PRDM1: variants seen among roughly 807,000 people sequenced by gnomAD.
PRDM1 encodes the protein PR domain zinc finger protein 1.
PRDM1 carries 13 observed loss-of-function variants against 62.8 expected under a neutral mutation model. That is an observed-to-expected ratio of 0.21 (90% CI 0.13 to 0.33). The LOEUF (loss-of-function observed/expected upper bound fraction) is 0.33. Ranked by LOEUF, PRDM1 falls within the 10% of genes least tolerant of loss-of-function variation. PRDM1 has a pLI of 1.00. For synonymous variants in PRDM1, 396 were observed against 417.6 expected, an observed-to-expected ratio of 0.95 and a Z score of 0.63; for missense variants, 895 against 1,058.8, an observed-to-expected ratio of 0.85 and a Z score of 2.15.
In PRDM1 at chr6:105,998,890, CATATATATATATATATATAT is replaced by C. The variant is rs202209129; in HGVS notation, c.-67+5276_-67+5295del. 1.1e-3 allele frequency among the ~76,000 whole-genome samples: 114 copies of C among 100,190 alleles called. 2 individuals carry two copies. The East Asian group carries it at 0.012, about 11-fold the overall frequency. 65.7% of individuals were successfully genotyped at this position (100,190 alleles called of 152,430 possible). A position where few individuals can be genotyped will look rare whatever the true frequency, so the allele number is the denominator to read the frequency against. ...GCATTGGGATTTTTAAAAGTTAATACATATATATATATATATATATATATATATATATATATATATATATT... is the reference window on the plus strand; with the variant it reads ...GCATTGGGATTTTTAAAAGTTAATACATATATATATATATATATATATATT... On this transcript the variant is annotated intron_variant, in intron 1 of 6. Coordinates refer to the PRDM1 transcript ENST00000652320.
chr6:106,106,041 C>G lies in PRDM1; in HGVS notation c.1773+108C>G. On this transcript the variant is annotated intron_variant, in intron 5 of 6. Transcript: ENST00000369096. This position sits in a 1 kb window ranked among gnomAD's most constrained non-coding sequence, Gnocchi z 4.4. ...TTGCATTTGCAGTAGTATGAGCCCC[C>G]GGTTGGGGATAGTGGGTATGGATTC... 1 of 1,457,010 alleles carries G rather than the reference C, an allele frequency of 6.9e-7. No individual in the cohort carries two copies. The highest frequency in any genetic ancestry group is 9.1e-7 in the Non-Finnish European group (1 of 1,094,882). 90.3% of individuals were successfully genotyped at this position (1,457,010 alleles called of 1,614,324 possible).
chr6:106,042,296 A>G (rs1465959014), intron 1 of PRDM1, among the ~76,000 whole-genome samples: 8 of 150,786 alleles, frequency 5.3e-5, no homozygotes, highest in Non-Finnish European at 7.4e-5. Context: ...CGAGGCGGGC[A>G]GATCACCTGA....
At chr6:106,086,621 T>TA (rs771469494) in intron 1 of PRDM1, 26 bp downstream of exon 1, 2 of 1,529,546 alleles carry the variant, frequency 1.3e-6, no homozygotes, top group South Asian at 2.4e-5. Flanking sequence ...TTTTTTTTTT[T>TA]AATTCTGAAA....
chr6:106,109,002 C>T lies in PRDM1; in HGVS notation c.*1516C>T, dbSNP rs1465746424. 5.4e-6 allele frequency: 1 copy of T among 183,924 alleles called. No homozygotes were observed. The highest frequency in any genetic ancestry group is 1.1e-5 in the Non-Finnish European group (1 of 91,294). The allele number at this position is 183,924 out of a possible 1,614,324, so 11.4% of individuals were successfully genotyped here. On this transcript the variant is annotated 3_prime_UTR_variant, in exon 7 of 7. Coordinates refer to ENST00000369096, the MANE Select transcript of PRDM1 (RefSeq NM_001198.4). ...CAAAAAATGATGTATATTTATAAATCTATTTATACCACTATATCATATGTA... is the reference window on the plus strand; with the variant it reads ...CAAAAAATGATGTATATTTATAAATTTATTTATACCACTATATCATATGTA...
In PRDM1 at chr6:106,072,090, G is replaced by A. The variant is rs1773529432; in HGVS notation, c.-66-16111G>A. The stretch of plus-strand genomic sequence containing the variant: ...CATATTTTAATGACCTACTATCAAT[G>A]TGTTCCATTTTCTGATGCCCTTGGC... On this transcript the variant is annotated intron_variant, in intron 1 of 6. Coordinates refer to the PRDM1 transcript ENST00000651185. 2.0e-5 allele frequency: 3 copies of A among 152,308 alleles called. No individual in the cohort carries two copies. In the South Asian group the frequency reaches 6.2e-4, roughly 32 times the overall value. 9.4% of individuals were successfully genotyped at this position (152,308 alleles called of 1,614,324 possible).
intron 1 of PRDM1, among the ~76,000 whole-genome samples, chr6:106,031,752 C>T (rs947627239): frequency 1.3e-5 from 2 of 152,086 alleles, no homozygotes; most frequent in Non-Finnish European, 2.9e-5. Flanking sequence ...GAAGAGGTGC[C>T]AGGGCAACAA....
rs1443598041 is a variant in PRDM1 at position 106,107,092 on chromosome 6, A to T, written c.2084A>T (p.Asn695Ile). The change falls in exon 7 of 7, where the codon AAC becomes ATC. Residue 695 changes from asparagine to isoleucine, a missense_variant. Transcript: ENST00000369096. ...RPHKCSQCHK[N>I]YIHLCSLKVH... The stretch of plus-strand genomic sequence containing the variant: ...CACAAGTGCTCCCAGTGCCACAAGA[A>T]CTACATCCATCTCTGTAGCCTCAAG... 2 of 1,614,070 alleles carry T rather than the reference A, an allele frequency of 1.2e-6. No individual in the cohort carries two copies. Among genetic ancestry groups the T allele is most frequent in the Non-Finnish European group, 1.7e-6 (2 of 1,180,030 alleles).
intron 1 of PRDM1, among the ~76,000 whole-genome samples, chr6:106,049,629 C>T (rs1005427407): frequency 5.3e-5 from 8 of 152,190 alleles, no homozygotes; most frequent in African/African-American, 1.7e-4. Context: ...CTCTCCTGGG[C>T]TGCTTCTGTG....
intron 3 of PRDM1, chr6:106,098,811 CG>C (rs1455111561): frequency 3.3e-6 from 5 of 1,514,518 alleles, no homozygotes; most frequent in Non-Finnish European, 4.4e-6. Flanking sequence ...AAGCCTTGGG[CG>C]GGGGTGTAGG....
rs778518932 is a variant in PRDM1 at position 106,107,229 on chromosome 6, C to T, written c.2221C>T (p.Arg741Trp). The T allele has an allele frequency of 5.0e-6, 8 of 1,614,176 alleles. No homozygotes were observed. Among genetic ancestry groups the T allele is most frequent in the South Asian group, 4.4e-5 (4 of 91,082 alleles). ...EKFDISDNAD[R>W]LEDVEDDISV... The stretch of plus-strand genomic sequence containing the variant: ...GTTTGACATCAGTGACAATGCTGAC[C>T]GGCTCGAGGACGTGGAGGATGACAT... Residue 741 changes from arginine (R) to tryptophan (W), a missense_variant, in exon 7 of 7, where the codon CGG becomes TGG. Arg to Trp is a moderately radical substitution (Grantham distance 101). This residue lies in a region of PRDM1 where 164 missense variants were observed against 179.9 expected (regional missense o/e 0.91). Transcript: ENST00000369096.
At chr6:106,000,508 C>T (rs969426531) in intron 1 of PRDM1, among the ~76,000 whole-genome samples, 1 of 151,906 alleles carries the variant, frequency 6.6e-6, no homozygotes, top group East Asian at 1.9e-4. Flanking sequence ...AATGTTAAAG[C>T]CTCCTATATA....
At chr6:105,998,918 TATATATATATATA>T (rs1562141213) in intron 1 of PRDM1, among the ~76,000 whole-genome samples, 13 of 2,452 alleles carry the variant, frequency 5.3e-3, no homozygotes, top group South Asian at 0.021. Context: ...TATATATATA[TATATATATATATA>T]TATTTTTTTT....
rs765744926 is a variant in PRDM1, at chr6:106,105,587, G to A, written c.1427G>A (p.Arg476Gln). ...LPSSLPSDGA[R>Q]RLLQPEHPRE... The stretch of plus-strand genomic sequence containing the variant: ...AGCTCGCTGCCCTCAGATGGAGCCC[G>A]GAGGTTGCTCCAGCCGGAGCATCCC... Residue 476 changes from arginine (R) to glutamine (Q), a missense_variant, in exon 5 of 7, where the codon CGG becomes CAG. Coordinates refer to ENST00000369096, the MANE Select transcript of PRDM1 (RefSeq NM_001198.4). The A allele has an allele frequency of 1.2e-6, 2 of 1,613,120 alleles. No individual in the cohort carries two copies. The highest frequency in any genetic ancestry group is 1.3e-5 in the African/African-American group (1 of 75,044).
intron 1 of PRDM1, among the ~76,000 whole-genome samples, chr6:106,003,942 G>C (rs1422336687): frequency 6.6e-6 from 1 of 152,206 alleles, no homozygotes; most frequent in African/African-American, 2.4e-5. Flanking sequence ...CAGTGGAGGA[G>C]TGACAGATGG....
intron 1 of PRDM1, among the ~76,000 whole-genome samples, chr6:106,015,835 A>G (rs945830201): frequency 6.6e-6 from 1 of 151,856 alleles, no homozygotes; most frequent in Non-Finnish European, 1.5e-5. Context: ...GTAGTAAAAT[A>G]TACATGACAA....
intron 1 of PRDM1, among the ~76,000 whole-genome samples, chr6:105,997,956 C>T (rs1453705465): frequency 6.6e-6 from 1 of 152,094 alleles, no homozygotes; most frequent in African/African-American, 2.4e-5. Flanking sequence ...ACTGTATGCT[C>T]AAGCAGAATT....
At chr6:105,999,505 C>T (rs1337614778) in intron 1 of PRDM1, among the ~76,000 whole-genome samples, 1 of 152,130 alleles carries the variant, frequency 6.6e-6, no homozygotes, top group Non-Finnish European at 1.5e-5. Context: ...GGCACTCCTC[C>T]TGTGGACTTT....
At chr6:106,071,285 A>C (rs1330868951) in intron 1 of PRDM1, among the ~76,000 whole-genome samples, 1 of 152,036 alleles carries the variant, frequency 6.6e-6, no homozygotes, top group African/African-American at 2.4e-5. Context: ...AAAAGAATGC[A>C]TCTTATTATG....
chr6:106,043,573 G>T (rs1435636648), upstream of PRDM1, among the ~76,000 whole-genome samples: 1 of 151,874 alleles, frequency 6.6e-6, no homozygotes, highest in African/African-American at 2.4e-5. Context: ...CACTCTTGTT[G>T]CCCAGGCTGG....
Sources: allele counts gnomAD v4.1 joint callset (sites outside exome capture counted in the v4.1 genomes callset), GRCh38; gene constraint gnomAD v4.1.1; regional missense constraint gnomAD v4.1.1; non-coding constraint Gnocchi (gnomAD v3.1); transcripts MANE v1.5; gene names NCBI Gene and HGNC (gene_info 2026-07-23, HGNC 2026-07-21).